SBK1: variants seen among roughly 807,000 people sequenced by gnomAD.
SBK1 encodes serine/threonine-protein kinase SBK1.
A neutral mutation model predicts 24.4 loss-of-function variants in SBK1; 11 were observed. That is an observed-to-expected ratio of 0.45 (90% CI 0.28 to 0.75). SBK1 has a LOEUF of 0.75. SBK1 is among the 30% of genes least tolerant of loss of function. The pLI is 0.12. For synonymous variants in SBK1, 308 were observed against 284.4 expected, an observed-to-expected ratio of 1.08 and a Z score of -0.83; for missense variants, 467 against 620.5, an observed-to-expected ratio of 0.75 and a Z score of 2.63.
chr16:28,317,637 C>T lies in SBK1; in HGVS notation c.226+20C>T. 6.5e-7 allele frequency: 1 copy of T among 1,536,562 alleles called. No individual in the cohort carries two copies. The highest frequency in any genetic ancestry group is 9.0e-7 in the Non-Finnish European group (1 of 1,109,244). On this transcript the variant is annotated intron_variant, in intron 2 of 3. Transcript: ENST00000341901. This position sits in a 1 kb window ranked among gnomAD's most constrained non-coding sequence, Gnocchi z 4.2. Reference sequence around the variant, plus strand: ...GCACAGGTGAACAAGTGCAGGGTGGCAGGGCTGAGAGGTTGGGGTGGGGCA... The same window carrying T: ...GCACAGGTGAACAAGTGCAGGGTGGTAGGGCTGAGAGGTTGGGGTGGGGCA...
intron 1 of SBK1, among the ~76,000 whole-genome samples, chr16:28,310,243 C>T (rs2044745095): frequency 1.3e-5 from 2 of 152,336 alleles, no homozygotes; most frequent in African/African-American, 4.8e-5. Context: ...TGGGTGGATG[C>T]GGCGCTGACA....
chr16:28,295,624 C>CG (rs1228293021), intron 1 of SBK1, among the ~76,000 whole-genome samples: 1 of 152,072 alleles, frequency 6.6e-6, no homozygotes, highest in East Asian at 1.9e-4. Context: ...TGGTAGGGCA[C>CG]GTGCTGTAAA....
intron 1 of SBK1, among the ~76,000 whole-genome samples, chr16:28,271,545 C>T (rs149749308): frequency 1.2e-3 from 178 of 152,076 alleles, no homozygotes; most frequent in African/African-American, 3.2e-3. Flanking sequence ...TGACAGAATG[C>T]GACTCCGTCC....
At chr16:28,309,859 C>T (rs1435452951) in intron 1 of SBK1, among the ~76,000 whole-genome samples, 1 of 152,106 alleles carries the variant, frequency 6.6e-6, no homozygotes, top group Non-Finnish European at 1.5e-5. Flanking sequence ...TGTGTGTGTG[C>T]GCATGTGTGC....
At chr16:28,271,796 T>C (rs1288702170) in intron 1 of SBK1, among the ~76,000 whole-genome samples, 2 of 152,166 alleles carry the variant, frequency 1.3e-5, no homozygotes, top group Admixed American at 6.6e-5. Context: ...CTCCAAAAAA[T>C]GTTATCAAAT....
At chr16:28,301,800 G>A (rs1294463643) in intron 1 of SBK1, among the ~76,000 whole-genome samples, 1 of 152,216 alleles carries the variant, frequency 6.6e-6, no homozygotes, top group Non-Finnish European at 1.5e-5. Context: ...GCCCCATCCT[G>A]TTAAATGAGC....
chr16:28,265,922 C>T (rs2044425214), intron 1 of SBK1, among the ~76,000 whole-genome samples: 1 of 148,976 alleles, frequency 6.7e-6, no homozygotes, highest in Non-Finnish European at 1.5e-5. Flanking sequence ...TGTAGTGAGC[C>T]AATATTGTAC....
At chr16:28,260,810 G>A (rs1177179191) in intron 1 of SBK1, among the ~76,000 whole-genome samples, 1 of 152,118 alleles carries the variant, frequency 6.6e-6, no homozygotes, top group East Asian at 1.9e-4. Context: ...CAGGGTAGTG[G>A]GCATCTTGAT....
At position 28,304,769 on chromosome 16, in the gene SBK1, A is replaced by G. The variant is rs562725639; in HGVS notation, c.-8+11469A>G. On this transcript the variant is annotated intron_variant, in intron 1 of 3. Coordinates refer to ENST00000341901, the MANE Select transcript of SBK1 (RefSeq NM_001024401.3). ...ACTACAGGTGCCCGCCACCACGCCCAGCTAATTTTTTTGTATTTTTAGTAG... is the reference window on the plus strand; with the variant it reads ...ACTACAGGTGCCCGCCACCACGCCCGGCTAATTTTTTTGTATTTTTAGTAG... 1.7e-3 allele frequency among the ~76,000 whole-genome samples: 250 copies of G among 151,274 alleles called. 1 individual carries two copies. Among genetic ancestry groups the G allele is most frequent in the Middle Eastern group, 6.8e-3 (2 of 294 alleles).
At chr16:28,298,816 C>T (rs570785334) in intron 1 of SBK1, among the ~76,000 whole-genome samples, 13 of 152,330 alleles carry the variant, frequency 8.5e-5, no homozygotes, top group Admixed American at 1.3e-4. Flanking sequence ...GGCTGGGAGA[C>T]AGGGCACGGG....
At chr16:28,273,519 C>T (rs1047027418) in intron 1 of SBK1, among the ~76,000 whole-genome samples, 3 of 152,170 alleles carry the variant, frequency 2.0e-5, no homozygotes, top group Non-Finnish European at 2.9e-5. Flanking sequence ...CCACCATGCC[C>T]GGCCATAGGT....
rs141876325 is a variant in SBK1, at chr16:28,319,647, C to CACCT, written c.430-426_430-423dup. Among the ~76,000 whole-genome samples the CACCT allele has an allele frequency of 0.2, 30,301 of 151,972 alleles. 4,002 individuals are homozygous for CACCT. The highest frequency in any genetic ancestry group is 0.3 in the Non-Finnish European group (20,394 of 67,848). On this transcript the variant is annotated intron_variant, in intron 3 of 3. Coordinates refer to ENST00000341901, the MANE Select transcript of SBK1 (RefSeq NM_001024401.3). The surrounding 1 kb of genome is among the most constrained non-coding windows in gnomAD (Gnocchi z 4.0). ...GAGCAGGTCCTCCTTCTTTGCTGAG[C>CACCT]ACCTACTACATGCCAGAATCTGGAG... is the stretch of plus-strand genomic sequence containing the variant.
chr16:28,313,161 G>A (rs1279010833), intron 1 of SBK1, among the ~76,000 whole-genome samples: 13 of 152,140 alleles, frequency 8.5e-5, no homozygotes. Context: ...TGGGCGTGGT[G>A]GCACGTGCCT....
At position 28,293,685 on chromosome 16, in the gene SBK1, C is replaced by T. The variant is rs370566320; in HGVS notation, c.-8+385C>T. Among the ~76,000 whole-genome samples the T allele has an allele frequency of 7.2e-5, 11 of 152,082 alleles. No homozygotes were observed. The East Asian group carries it at 7.8e-4, about 11-fold the overall frequency. ...GGCCAAGCTGAGCTTCTAGTGAAGT[C>T]CCCCCGAGAGGGGAAAATTTGGGGG... is the stretch of plus-strand genomic sequence containing the variant. On this transcript the variant is annotated intron_variant, in intron 1 of 3. Coordinates refer to ENST00000341901, the MANE Select transcript of SBK1 (RefSeq NM_001024401.3).
At chr16:28,278,051 C>T (rs2044505694) in intron 1 of SBK1, among the ~76,000 whole-genome samples, 1 of 152,274 alleles carries the variant, frequency 6.6e-6, no homozygotes, top group Non-Finnish European at 1.5e-5. Flanking sequence ...AAAATGGGCA[C>T]AGCTATAAGT....
chr16:28,290,392 T>G (rs975524403), upstream of SBK1: 2 of 152,172 alleles, frequency 1.3e-5, no homozygotes, highest in African/African-American at 2.4e-5. Flanking sequence ...CCTAGCACTT[T>G]GGGAGGCTGA....
intron 1 of SBK1, among the ~76,000 whole-genome samples, chr16:28,271,552 G>A (rs537938808): frequency 2.6e-5 from 4 of 152,096 alleles, no homozygotes; most frequent in East Asian, 1.9e-4. Context: ...ATGCGACTCC[G>A]TCCCCCCACC....
chr16:28,287,337 C>T (rs1434907256), intron 1 of SBK1, among the ~76,000 whole-genome samples: 19 of 146,862 alleles, frequency 1.3e-4, no homozygotes, highest in African/African-American at 4.8e-4. Flanking sequence ...TAATCCCAGC[C>T]ACTTGGGAGG....
upstream of SBK1, chr16:28,291,466 C>T (rs373905333): frequency 3.3e-5 from 5 of 151,850 alleles, no homozygotes; most frequent in Admixed American, 1.3e-4. Context: ...ACGTAACAAA[C>T]CTGCATGTTG....
Sources: allele counts gnomAD v4.1 joint callset (sites outside exome capture counted in the v4.1 genomes callset), GRCh38; gene constraint gnomAD v4.1.1; non-coding constraint Gnocchi (gnomAD v3.1); transcripts MANE v1.5; gene names NCBI Gene and HGNC (gene_info 2026-07-23, HGNC 2026-07-21).